The following IQCM variants were observed in gnomAD, a reference collection of about 807,000 sequenced individuals.
IQCM encodes the protein IQ domain-containing protein M.
Under a neutral mutation model 57.6 loss-of-function variants are expected in IQCM, and 45 were observed. That is an observed-to-expected ratio of 0.78 (90% confidence interval 0.62 to 1.00). The LOEUF (loss-of-function observed/expected upper bound fraction) is 1.00. Among genes scored for constraint, IQCM ranks in the 50% least tolerant of loss-of-function variants. The pLI, the probability that IQCM is intolerant of heterozygous loss-of-function variation, is 0.00. For synonymous variants in IQCM, 148 were observed against 158.9 expected (o/e 0.93, Z 0.51); for missense variants, 468 against 511.6 (o/e 0.91, Z 0.82).
chr4:149,583,971 T>C (rs1186458326), intron 9 of IQCM, among the ~76,000 whole-genome samples: 1 of 151,478 alleles, frequency 6.6e-6, no homozygotes, highest in African/African-American at 2.4e-5. Context: ...CATCACAAAA[T>C]AATCTTTACC....
chr4:149,549,822 T>C (rs1748851246), intron 11 of IQCM, among the ~76,000 whole-genome samples: 1 of 152,218 alleles, frequency 6.6e-6, no homozygotes, highest in Non-Finnish European at 1.5e-5. Flanking sequence ...TTCTATTCAT[T>C]CATTCATTTA....
chr4:149,722,675 T>C (rs1055070286), intron 5 of IQCM, among the ~76,000 whole-genome samples: 15 of 152,082 alleles, frequency 9.9e-5, no homozygotes, highest in Admixed American at 6.6e-4. Context: ...AGTACCATGC[T>C]GTTTTTGTTA....
chr4:149,356,440 T>C (rs1240006948), intron 13 of IQCM, among the ~76,000 whole-genome samples: 4 of 151,950 alleles, frequency 2.6e-5, no homozygotes, highest in Non-Finnish European at 5.9e-5. Flanking sequence ...AAGGAAGGGA[T>C]CCAGTTTCAG....
intron 2 of IQCM, among the ~76,000 whole-genome samples, chr4:149,753,804 T>C (rs1463700078): frequency 3.1e-5 from 3 of 97,154 alleles, no homozygotes; most frequent in Non-Finnish European, 3.7e-5. Flanking sequence ...CCAACATGTG[T>C]ATAAAGGAAG....
intron 12 of IQCM, among the ~76,000 whole-genome samples, chr4:149,492,820 T>C (rs565914029): frequency 3.9e-5 from 6 of 152,160 alleles, no homozygotes; most frequent in African/African-American, 9.6e-5. Context: ...CCCTTTATGA[T>C]AGAAACACTT....
chr4:149,421,515 A>AT (rs1560821420), intron 13 of IQCM, among the ~76,000 whole-genome samples: 1 of 151,988 alleles, frequency 6.6e-6, no homozygotes, highest in Admixed American at 6.6e-5. Flanking sequence ...AAGATAAATT[A>AT]TTTTTTATAA....
chr4:149,437,095 C>T (rs185223247), intron 12 of IQCM, among the ~76,000 whole-genome samples: 1 of 152,100 alleles, frequency 6.6e-6, no homozygotes, highest in Non-Finnish European at 1.5e-5. Flanking sequence ...AGAATTTATT[C>T]TCTATTCTGT....
chr4:149,659,059 T>C (rs2150149418), intron 7 of IQCM, among the ~76,000 whole-genome samples: 1 of 152,268 alleles, frequency 6.6e-6, no homozygotes, highest in Non-Finnish European at 1.5e-5. Context: ...ATTGCATCTA[T>C]TTGATTCTTC....
chr4:149,553,396 T>C, intron 10 of IQCM, 109 bp from the exon 11 acceptor site: 1 of 862,646 alleles, frequency 1.2e-6, no homozygotes, highest in Non-Finnish European at 1.5e-6. Context: ...TGGGTGTATT[T>C]ATTGTTTATT....
chr4:149,809,485 T>C (rs937141067), intron 2 of IQCM, among the ~76,000 whole-genome samples: 4 of 152,242 alleles, frequency 2.6e-5, no homozygotes, highest in Non-Finnish European at 5.9e-5. Flanking sequence ...TTAAAGATTT[T>C]TATTTTTGAA....
chr4:149,573,791 TA>T lies in IQCM; in HGVS notation c.750-9902del, dbSNP rs1561008194. On this transcript the variant is annotated intron_variant, in intron 9 of 13. Transcript: ENST00000636793. ...GCTCAAAAAAAAAAAAAATTAAAATTAAAAAAAATAGTTTTGTTGGATGATT... is the reference window on the plus strand; with the variant it reads ...GCTCAAAAAAAAAAAAAATTAAAATTAAAAAAATAGTTTTGTTGGATGATT... Among the ~76,000 whole-genome samples, 5 of 151,318 alleles carry T rather than the reference TA, an allele frequency of 3.3e-5. No individual in the cohort carries two copies. In the East Asian group the frequency reaches 7.8e-4, roughly 24 times the overall value.
chr4:149,513,938 C>T (rs1246666119), intron 12 of IQCM, among the ~76,000 whole-genome samples: 2 of 152,112 alleles, frequency 1.3e-5, no homozygotes, highest in Non-Finnish European at 2.9e-5. Flanking sequence ...CAATCTTCAA[C>T]TCATAATAGT....
intron 8 of IQCM, among the ~76,000 whole-genome samples, chr4:149,606,064 G>A (rs529277641): frequency 3.3e-5 from 5 of 152,234 alleles, no homozygotes; most frequent in African/African-American, 1.2e-4. Flanking sequence ...GACTAAAATG[G>A]CATTGAGCCT....
chr4:149,363,144 C>T (rs1729607670), intron 13 of IQCM, among the ~76,000 whole-genome samples: 1 of 152,194 alleles, frequency 6.6e-6, no homozygotes, highest in South Asian at 2.1e-4. Context: ...CATCAGTGCT[C>T]TGGGATCAGG....
chr4:149,477,977 T>C (rs2149743582), intron 12 of IQCM, among the ~76,000 whole-genome samples: 1 of 152,286 alleles, frequency 6.6e-6, no homozygotes, highest in South Asian at 2.1e-4. Flanking sequence ...CTGGGCAAAT[T>C]TCTTAAGCTC....
intron 12 of IQCM, among the ~76,000 whole-genome samples, chr4:149,470,335 A>T (rs1739378889): frequency 6.6e-6 from 1 of 152,144 alleles, no homozygotes. Context: ...AGTTTCTGAT[A>T]AAAAAGACTT....
At chr4:149,727,408 A>G (rs1766048694) in intron 5 of IQCM, among the ~76,000 whole-genome samples, 1 of 152,042 alleles carries the variant, frequency 6.6e-6, no homozygotes, top group Non-Finnish European at 1.5e-5. Context: ...TTTCCCTTAC[A>G]CTCCACACCT....
At chr4:149,449,525 A>C (rs1159836631) in intron 12 of IQCM, among the ~76,000 whole-genome samples, 2 of 150,718 alleles carry the variant, frequency 1.3e-5, no homozygotes, top group African/African-American at 4.9e-5. Flanking sequence ...TGCAGGATAC[A>C]AAGCTAACAC....
intron 13 of IQCM, among the ~76,000 whole-genome samples, chr4:149,386,058 AG>A (rs2111058207): frequency 6.6e-6 from 1 of 152,180 alleles, no homozygotes; most frequent in African/African-American, 2.4e-5. Context: ...CACCTCTTAA[AG>A]AAAAGTCGTA....
Sources: allele counts gnomAD v4.1 joint callset (sites outside exome capture counted in the v4.1 genomes callset), GRCh38; gene constraint gnomAD v4.1.1; transcripts MANE v1.5; gene names NCBI Gene and HGNC (gene_info 2026-07-23, HGNC 2026-07-21).